NXPE1: variants seen among roughly 807,000 people sequenced by gnomAD.
The protein encoded by NXPE1 is neurexophilin and PC-esterase domain family member 1.
NXPE1 carries 31 observed loss-of-function variants against 33.3 expected under a neutral mutation model. The ratio of observed to expected loss-of-function variants is 0.93; its 90% CI spans 0.70 to 1.26. The LOEUF is 1.26. Ranked by LOEUF, NXPE1 falls within the 50% of genes most tolerant of loss-of-function variation. The pLI is 0.00. For missense variants in NXPE1, 661 were observed against 655.6 expected, an observed-to-expected ratio of 1.01 and a Z score of -0.09; for synonymous variants, 229 against 231.4, an observed-to-expected ratio of 0.99 and a Z score of 0.09.
chr11:114,536,894 T>C (rs530995074), intron 5 of NXPE1, among the ~76,000 whole-genome samples: 132 of 152,170 alleles, frequency 8.7e-4, no homozygotes, highest in African/African-American at 3.0e-3. Flanking sequence ...ACTATTCCAA[T>C]CAGTAGAAAA....
intron 1 of NXPE1, among the ~76,000 whole-genome samples, chr11:114,556,896 C>CT (rs796264702): frequency 0.016 from 2,294 of 140,630 alleles, 28 homozygotes; most frequent in African/African-American, 0.023. Context: ...CCCTTTTTGA[C>CT]TTTTTTTTTT....
chr11:114,552,144 T>C (rs1175875269), intron 2 of NXPE1, 59 bp from the exon 3 acceptor site: 1 of 152,198 alleles, frequency 6.6e-6, no homozygotes, highest in Non-Finnish European at 1.5e-5. Context: ...GGTTAACCTT[T>C]GGGAAGTCCA....
At chr11:114,556,919 G>A (rs12290722) in intron 1 of NXPE1, among the ~76,000 whole-genome samples, 27,689 of 146,894 alleles carry the variant, frequency 0.19, 3,161 homozygotes, top group African/African-American at 0.31. Context: ...TTGAGACAGA[G>A]TCTCACTCTG....
intron 1 of NXPE1, among the ~76,000 whole-genome samples, chr11:114,555,394 T>C (rs1948624693): frequency 1.3e-5 from 2 of 152,118 alleles, no homozygotes; most frequent in African/African-American, 4.8e-5. Flanking sequence ...GCCCGGCTAA[T>C]TTTTTATATT....
At chr11:114,534,723 G>A (rs1947731033) in intron 5 of NXPE1, among the ~76,000 whole-genome samples, 1 of 152,184 alleles carries the variant, frequency 6.6e-6, no homozygotes, top group Admixed American at 6.5e-5. Flanking sequence ...AGCATGAAGA[G>A]AAGTTTGGAG....
exon 5 of NXPE1, chr11:114,551,152 A>G: frequency 6.5e-7 from 1 of 1,535,098 alleles, no homozygotes; most frequent in Non-Finnish European, 8.7e-7. Context: ...TACTACTGAA[A>G]AAGAGATCAA....
chr11:114,553,998 T>C (rs1948590357), intron 1 of NXPE1: 2 of 985,438 alleles, frequency 2.0e-6, no homozygotes, highest in Non-Finnish European at 2.4e-6. Flanking sequence ...ACTTGTCCAA[T>C]TGCAATGTTT....
At chr11:114,536,643 A>G (rs1201460945) in intron 5 of NXPE1, among the ~76,000 whole-genome samples, 1 of 152,260 alleles carries the variant, frequency 6.6e-6, no homozygotes, top group Non-Finnish European at 1.5e-5. Context: ...ATCAGAGAAT[A>G]CTATAAGCAC....
chr11:114,548,118 CA>C (rs1392514905), intron 5 of NXPE1, among the ~76,000 whole-genome samples: 3 of 151,878 alleles, frequency 2.0e-5, no homozygotes, highest in Admixed American at 1.3e-4. Flanking sequence ...ACCATATATG[CA>C]AAAGGATAAT....
chr11:114,533,016 T>C (rs532824375), intron 5 of NXPE1, among the ~76,000 whole-genome samples: 2 of 152,250 alleles, frequency 1.3e-5, no homozygotes, highest in African/African-American at 4.8e-5. Flanking sequence ...ATTTTAAAAG[T>C]CAAGGAGGCA....
At chr11:114,555,755 G>A (rs1200659838) in intron 1 of NXPE1, among the ~76,000 whole-genome samples, 7 of 152,218 alleles carry the variant, frequency 4.6e-5, no homozygotes, top group African/African-American at 1.7e-4. Flanking sequence ...TTTTTCTAGA[G>A]TTTCATATAA....
At chr11:114,546,658 A>G (rs1173031353) in intron 5 of NXPE1, among the ~76,000 whole-genome samples, 1 of 152,026 alleles carries the variant, frequency 6.6e-6, no homozygotes, top group East Asian at 1.9e-4. Context: ...CCCCAATAGT[A>G]ACAAACAGAG....
chr11:114,552,208 C>T (rs1305074209), intron 2 of NXPE1, 123 bp from the exon 3 acceptor site: 1 of 152,148 alleles, frequency 6.6e-6, no homozygotes, highest in Non-Finnish European at 1.5e-5. Flanking sequence ...CATATTGAAT[C>T]ACTACCTTCT....
At chr11:114,539,875 C>G (rs1317347027) in intron 5 of NXPE1, among the ~76,000 whole-genome samples, 1 of 151,946 alleles carries the variant, frequency 6.6e-6, no homozygotes, top group African/African-American at 2.4e-5. Context: ...TAAATTGTAT[C>G]AAGAAAATGG....
chr11:114,554,529 A>G, intron 1 of NXPE1: 3 of 262,360 alleles, frequency 1.1e-5, no homozygotes, highest in Non-Finnish European at 1.8e-5. Flanking sequence ...ACTGAGGTAT[A>G]GTTATCAACA....
Position 114,524,772 on chromosome 11 carries a change from C to T in NXPE1, c.896-1681G>A, listed in dbSNP as rs114657825. The stretch of plus-strand genomic sequence containing the variant: ...TATGTGTCAGGTATTCATTTTGCCA[C>T]GTCTCAAACTTATAACAAATTTGCT... On this transcript the variant is annotated intron_variant, in intron 7 of 8. Transcript: ENST00000534921. Among the ~76,000 whole-genome samples, 770 of 152,222 alleles carry T rather than the reference C, an allele frequency of 5.1e-3. 4 individuals carry two copies. The highest frequency in any genetic ancestry group is 0.018 in the African/African-American group (727 of 41,530).
exon 6 of NXPE1, chr11:114,530,401 T>C: frequency 6.2e-7 from 1 of 1,614,210 alleles, no homozygotes; most frequent in African/African-American, 1.3e-5. Context: ...TTGAAAATAA[T>C]TTTATCATAG....
chr11:114,526,106 G>A (rs1947360827), intron 7 of NXPE1, among the ~76,000 whole-genome samples: 1 of 152,140 alleles, frequency 6.6e-6, no homozygotes, highest in Non-Finnish European at 1.5e-5. Context: ...CCTCTGCTGT[G>A]GCTTTGAAGA....
chr11:114,545,308 C>A lies in NXPE1; in HGVS notation c.99+5795G>T, dbSNP rs1167256152. ...GATCATAGTTGCCCAAAACTGGAAG[C>A]AACCAAGAGCTCTTCAGTAGGTGAA... On this transcript the variant is annotated intron_variant, in intron 5 of 8. Coordinates refer to ENST00000534921, the Ensembl canonical transcript of NXPE1. Among the ~76,000 whole-genome samples the A allele has an allele frequency of 4.6e-5, 7 of 152,176 alleles. No homozygotes were observed. In the South Asian group the frequency reaches 8.3e-4, roughly 18 times the overall value.
Sources: gnomAD v4.1 joint callset for allele counts (sites outside exome capture counted in the v4.1 genomes callset) on GRCh38, gnomAD v4.1.1 for gene constraint, MANE v1.5 for transcripts, NCBI Gene and HGNC (gene_info 2026-07-23, HGNC 2026-07-21) for gene names.